MYZAP: variants seen among roughly 807,000 people sequenced by gnomAD.
MYZAP encodes the protein GRINL1A complex locus upstream.
In MYZAP, 66 loss-of-function variants were observed where a neutral mutation model predicts 69.4. That is an observed-to-expected ratio of 0.95 (90% CI 0.78 to 1.17). The LOEUF is 1.17. Ranked by LOEUF, MYZAP falls within the 50% of genes most tolerant of loss-of-function variation. MYZAP has a pLI of 0.00. For missense variants in MYZAP, 611 were observed against 556.2 expected (o/e 1.10, Z -0.99); for synonymous variants, 256 against 205.9 (o/e 1.24, Z -2.09).
rs370946312 is a variant in MYZAP at position 57,625,842 on chromosome 15, C to T, written c.475C>T (p.Arg159Cys). 4 of 1,614,130 alleles carry T rather than the reference C, an allele frequency of 2.5e-6. No homozygotes were observed. The highest frequency in any genetic ancestry group is 1.7e-5 in the Admixed American group (1 of 60,016). The change falls in exon 5 of 13, where the codon CGT becomes TGT. Residue 159 changes from arginine to cysteine, a missense_variant. By Grantham distance (180) the Arg-to-Cys change is radical. Transcript: ENST00000267853. ...HIQTQSSALD[R>C]FNAMNSALAS... ...CCAAACCCAGTCGTCTGCCCTGGATCGTTTTAATGCCATGAACTCAGCCTT... is the reference window on the plus strand; with the variant it reads ...CCAAACCCAGTCGTCTGCCCTGGATTGTTTTAATGCCATGAACTCAGCCTT...
intron 10 of MYZAP, among the ~76,000 whole-genome samples, chr15:57,649,990 T>C (rs541731753): frequency 2.0e-4 from 30 of 152,334 alleles, no homozygotes; most frequent in African/African-American, 7.0e-4. Context: ...TTGTTTGTGG[T>C]TGTATCTCTA....
At chr15:57,636,641 G>C (rs530007743) in intron 8 of MYZAP, among the ~76,000 whole-genome samples, 1 of 152,172 alleles carries the variant, frequency 6.6e-6, no homozygotes, top group Non-Finnish European at 1.5e-5. Context: ...AAGGAAATTT[G>C]TTACACTAAC....
At chr15:57,641,483 CTG>C (rs1298672514) in intron 10 of MYZAP, among the ~76,000 whole-genome samples, 1 of 152,042 alleles carries the variant, frequency 6.6e-6, no homozygotes, top group Non-Finnish European at 1.5e-5. Context: ...TTTTTTCTAC[CTG>C]TGATTTCATA....
chr15:57,632,588 C>T (rs2036573358), intron 7 of MYZAP, 29 bp downstream of exon 7: 1 of 1,612,130 alleles, frequency 6.2e-7, no homozygotes. Flanking sequence ...CCGATGTAAA[C>T]TTACCGGGAA....
At chr15:57,675,833 C>T (rs1457203822) in intron 12 of MYZAP, among the ~76,000 whole-genome samples, 1 of 152,162 alleles carries the variant, frequency 6.6e-6, no homozygotes, top group East Asian at 1.9e-4. Context: ...AACAAGTTTA[C>T]AGCAAAGATG....
intron 12 of MYZAP, among the ~76,000 whole-genome samples, chr15:57,675,452 G>A (rs1339160409): frequency 6.6e-6 from 1 of 152,142 alleles, no homozygotes; most frequent in Non-Finnish European, 1.5e-5. Context: ...GGGAGAGACA[G>A]GTATGTAGGT....
chr15:57,606,976 G>C (rs2034792800), intron 2 of MYZAP, among the ~76,000 whole-genome samples: 1 of 152,190 alleles, frequency 6.6e-6, no homozygotes, highest in African/African-American at 2.4e-5. Flanking sequence ...TGATGAGCAG[G>C]ATTGAGTGGG....
chr15:57,657,907 G>A lies in MYZAP; in HGVS notation c.1120-3543G>A, dbSNP rs116797672. 7.9e-3 allele frequency among the ~76,000 whole-genome samples: 1,200 copies of A among 152,158 alleles called. 17 individuals are homozygous for A. The highest frequency in any genetic ancestry group is 0.027 in the African/African-American group (1,111 of 41,496). ...AGCTGCCCCTCCCAGTCCTGCCAAC[G>A]CTCATTTCTTCAGTCAATAGTTTTG... On this transcript the variant is annotated intron_variant, in intron 10 of 12. Transcript: ENST00000267853.
intron 10 of MYZAP, among the ~76,000 whole-genome samples, chr15:57,661,145 G>A (rs756377662): frequency 5.3e-5 from 8 of 152,160 alleles, no homozygotes; most frequent in Admixed American, 2.0e-4. Context: ...CAAAATCAGT[G>A]TGGAAATGTT....
At chr15:57,671,305 C>T (rs1391343559) in intron 11 of MYZAP, among the ~76,000 whole-genome samples, 1 of 152,092 alleles carries the variant, frequency 6.6e-6, no homozygotes, top group Admixed American at 6.6e-5. Flanking sequence ...CTGTATATAA[C>T]AGGTTGCTTT....
intron 1 of MYZAP, among the ~76,000 whole-genome samples, chr15:57,593,318 C>T (rs2033846582): frequency 6.6e-6 from 1 of 152,022 alleles, no homozygotes; most frequent in Non-Finnish European, 1.5e-5. Context: ...AGGGGGTTTC[C>T]AACCACAGTC....
At chr15:57,615,779 A>G (rs540452588) in intron 2 of MYZAP, among the ~76,000 whole-genome samples, 6 of 152,310 alleles carry the variant, frequency 3.9e-5, no homozygotes, top group Non-Finnish European at 7.3e-5. Context: ...AAATGTAAGG[A>G]TAGCATCAGT....
chr15:57,627,693 T>G (rs541888418), intron 5 of MYZAP, among the ~76,000 whole-genome samples: 44 of 152,292 alleles, frequency 2.9e-4, no homozygotes, highest in African/African-American at 1.0e-3. Context: ...TGAGAGGATC[T>G]CAGTTTTATG....
chr15:57,619,524 C>T (rs551903651), intron 3 of MYZAP, among the ~76,000 whole-genome samples: 76 of 152,044 alleles, frequency 5.0e-4, no homozygotes, highest in Middle Eastern at 3.2e-3. Flanking sequence ...ACTGCAGGTG[C>T]GCACCGCTAC....
intron 11 of MYZAP, among the ~76,000 whole-genome samples, chr15:57,670,614 A>G (rs895289360): frequency 1.3e-5 from 2 of 151,826 alleles, no homozygotes; most frequent in African/African-American, 2.4e-5. Flanking sequence ...TAGAGCTACC[A>G]TTTCATTATT....
At chr15:57,646,011 T>G in intron 10 of MYZAP, 2 of 418,036 alleles carry the variant, frequency 4.8e-6, no homozygotes, top group Admixed American at 6.5e-5. Context: ...TACATTTTAC[T>G]AAATGCCCTG....
intron 12 of MYZAP, among the ~76,000 whole-genome samples, chr15:57,676,254 T>C (rs1246974029): frequency 6.6e-6 from 1 of 152,058 alleles, no homozygotes; most frequent in Non-Finnish European, 1.5e-5. Context: ...TTTTTGTTAA[T>C]TAAAATGAAT....
At chr15:57,621,898 A>C (rs536880449) in intron 4 of MYZAP, among the ~76,000 whole-genome samples, 198 bp downstream of exon 4, 1 of 152,334 alleles carries the variant, frequency 6.6e-6, no homozygotes, top group Admixed American at 6.5e-5. Flanking sequence ...GAATAATCGT[A>C]TTCATATTCA....
chr15:57,628,356 ACCT>A (rs1249840884), intron 5 of MYZAP, among the ~76,000 whole-genome samples: 4 of 151,838 alleles, frequency 2.6e-5, no homozygotes, highest in African/African-American at 9.7e-5. Context: ...TGCAGCCTTG[ACCT>A]CCTAGGCTCA....
Sources: gnomAD v4.1 joint callset for allele counts (sites outside exome capture counted in the v4.1 genomes callset) on GRCh38, gnomAD v4.1.1 for gene constraint, MANE v1.5 for transcripts, NCBI Gene and HGNC (gene_info 2026-07-23, HGNC 2026-07-21) for gene names.